The following SGSM1 variants were observed in gnomAD, a reference collection of about 807,000 sequenced individuals.
SGSM1 encodes RUN and TBC1 domain containing 2.
SGSM1 carries 73 observed loss-of-function variants against 133.8 expected under a neutral mutation model. The ratio of observed to expected loss-of-function variants is 0.55; its 90% CI spans 0.45 to 0.66. The LOEUF (loss-of-function observed/expected upper bound fraction) is 0.66, where lower values mean the gene tolerates loss of function less well. SGSM1 is among the 30% of genes least tolerant of loss of function. SGSM1 has a pLI of 0.00. For synonymous variants in SGSM1, 563 were observed against 573.0 expected, an observed-to-expected ratio of 0.98 and a Z score of 0.25; for missense variants, 1,213 against 1,448.1, an observed-to-expected ratio of 0.84 and a Z score of 2.64.
At position 24,924,477 on chromosome 22, in the gene SGSM1, A is replaced by G. The variant is rs1406564536; in HGVS notation, c.*203A>G. Reference sequence around the variant, plus strand: ...GAGTACCCCTTCAATTCAGCCTTACATTTTCCTGTTTGACCAAAGATTGCC... The same window carrying G: ...GAGTACCCCTTCAATTCAGCCTTACGTTTTCCTGTTTGACCAAAGATTGCC... On this transcript the variant is annotated 3_prime_UTR_variant, in exon 25 of 25. Coordinates refer to ENST00000400358, the MANE Select transcript of SGSM1 (RefSeq NM_001098497.3). 11 of 553,788 alleles carry G rather than the reference A, an allele frequency of 2.0e-5. No homozygotes were observed. Among genetic ancestry groups the G allele is most frequent in the Non-Finnish European group, 3.5e-5 (11 of 310,558 alleles). 34.3% of individuals were successfully genotyped at this position (553,788 alleles called of 1,614,324 possible).
Position 24,879,472 on chromosome 22 carries a change from A to G in SGSM1, c.1441A>G (p.Lys481Glu), listed in dbSNP as rs1357308596. The G allele has an allele frequency of 1.2e-6, 2 of 1,613,802 alleles. No homozygotes were observed. The highest frequency in any genetic ancestry group is 1.7e-5 in the Admixed American group (1 of 59,996). Reference sequence around the variant, plus strand: ...TTTCTCCACCTGCAGGGCTCCCCTGAAACTTCTCTGTGACAATATGAAGTA... The same window carrying G: ...TTTCTCCACCTGCAGGGCTCCCCTGGAACTTCTCTGTGACAATATGAAGTA... ...NGCNHERAPLKLLCDNMKYQI... is the reference protein window; with the variant it reads ...NGCNHERAPLELLCDNMKYQI... The change falls in exon 14 of 25, where the codon AAA becomes GAA. Residue 481 changes from lysine (K) to glutamate (E), a missense_variant. Coordinates refer to ENST00000400358, the MANE Select transcript of SGSM1 (RefSeq NM_001098497.3).
intron 16 of SGSM1, 27 bp from the exon 17 acceptor site, chr22:24,893,404 C>T (rs767762053): frequency 1.5e-5 from 24 of 1,610,630 alleles, no homozygotes; most frequent in South Asian, 1.2e-4. Flanking sequence ...GTTGACACCT[C>T]GGGTGACATT....
At chr22:24,900,748 CT>C (rs1223265030) in intron 19 of SGSM1, among the ~76,000 whole-genome samples, 2 of 152,168 alleles carry the variant, frequency 1.3e-5, no homozygotes, top group African/African-American at 4.8e-5. Flanking sequence ...GTTTCTGATA[CT>C]TCTAACAACT....
At chr22:24,879,108 AG>A (rs763011783) in intron 13 of SGSM1, among the ~76,000 whole-genome samples, 17 of 152,192 alleles carry the variant, frequency 1.1e-4, no homozygotes, top group Admixed American at 2.0e-4. Flanking sequence ...TCTGTTACCT[AG>A]TAATTCCAAC....
chr22:24,861,798 C>T (rs755893063), intron 9 of SGSM1, among the ~76,000 whole-genome samples: 59 of 150,958 alleles, frequency 3.9e-4, no homozygotes, highest in Admixed American at 5.9e-4. Context: ...CTGCCCATCT[C>T]GGCCGCCTCT....
intron 3 of SGSM1, among the ~76,000 whole-genome samples, chr22:24,845,941 T>TTTTCTTTCTTTCTTTTCTTTC (rs1555924221): frequency 1.7e-5 from 2 of 115,622 alleles, no homozygotes; most frequent in African/African-American, 6.9e-5. Flanking sequence ...TTTTCTTTTC[T>TTTTCTTTCTTTCTTTTCTTTC]TTTCTTTCTT....
intron 4 of SGSM1, among the ~76,000 whole-genome samples, chr22:24,848,400 A>G (rs1206318955): frequency 6.6e-6 from 1 of 152,146 alleles, no homozygotes; most frequent in Admixed American, 6.5e-5. Context: ...ATTATAACAC[A>G]TTCAAATACA....
At chr22:24,858,623 G>C (rs904132915) in intron 8 of SGSM1, among the ~76,000 whole-genome samples, 1 of 132,524 alleles carries the variant, frequency 7.5e-6, no homozygotes, top group South Asian at 2.6e-4. Flanking sequence ...GCAACAGAGC[G>C]AGACTCCATC....
intron 9 of SGSM1, among the ~76,000 whole-genome samples, chr22:24,862,936 G>A (rs1218044215): frequency 3.9e-5 from 6 of 152,128 alleles, no homozygotes; most frequent in African/African-American, 9.7e-5. Context: ...ACACTGAAGC[G>A]TCTTGCACCC....
In SGSM1 at chr22:24,832,885, A is replaced by G. The variant is rs543203694; in HGVS notation, c.64-12012A>G. Among the ~76,000 whole-genome samples, 28 of 151,986 alleles carry G rather than the reference A, an allele frequency of 1.8e-4. No individual in the cohort carries two copies. The South Asian group carries it at 5.9e-3, about 32-fold the overall frequency. Reference sequence around the variant, plus strand: ...CTCCCTCCTTGGCTCATAGGTGGCCATCTTCTCCCTGATCTTCACATGATC... The same window carrying G: ...CTCCCTCCTTGGCTCATAGGTGGCCGTCTTCTCCCTGATCTTCACATGATC... On this transcript the variant is annotated intron_variant, in intron 2 of 24. Coordinates refer to ENST00000400358, the MANE Select transcript of SGSM1 (RefSeq NM_001098497.3).
intron 5 of SGSM1, among the ~76,000 whole-genome samples, chr22:24,853,183 G>T (rs925042051): frequency 6.6e-6 from 1 of 152,208 alleles, no homozygotes; most frequent in Admixed American, 6.5e-5. Context: ...GAGAGGCAGA[G>T]CTGGGCTCCC....
chr22:24,893,909 A>G (rs906723374), intron 17 of SGSM1, among the ~76,000 whole-genome samples: 1 of 152,212 alleles, frequency 6.6e-6, no homozygotes, highest in Non-Finnish European at 1.5e-5. Flanking sequence ...CAGTCCAAAC[A>G]AGACAATGTA....
At chr22:24,808,798 G>T (rs1340521401) in intron 2 of SGSM1, among the ~76,000 whole-genome samples, 1 of 152,168 alleles carries the variant, frequency 6.6e-6, no homozygotes, top group East Asian at 1.9e-4. Flanking sequence ...TGTCAGTCTA[G>T]TTTGGGTCTT....
chr22:24,818,956 C>G (rs986640402), intron 2 of SGSM1, among the ~76,000 whole-genome samples: 1 of 151,882 alleles, frequency 6.6e-6, no homozygotes, highest in Non-Finnish European at 1.5e-5. Context: ...ACAATCCTGG[C>G]TAACATGATG....
Position 24,900,358 on chromosome 22 carries a change from T to C in SGSM1, c.2611-1475T>C, listed in dbSNP as rs555906080. ...TTAACCTCTTCTTTCTTTCTTTCTT[T>C]CTTTCTTTCTTTCTTTCTTTCTTTC... On this transcript the variant is annotated intron_variant, in intron 19 of 24. Transcript: ENST00000400358. Among the ~76,000 whole-genome samples the C allele has an allele frequency of 8.5e-4, 80 of 94,028 alleles. 2 individuals are homozygous for C. Among genetic ancestry groups the C allele is most frequent in the African/African-American group, 3.7e-3 (74 of 20,270 alleles). 61.7% of individuals were successfully genotyped at this position (94,028 alleles called of 152,430 possible). A position where few individuals can be genotyped will look rare whatever the true frequency, so the allele number is the denominator to read the frequency against.
chr22:24,838,435 A>G (rs541413162), intron 2 of SGSM1, among the ~76,000 whole-genome samples: 2 of 152,220 alleles, frequency 1.3e-5, no homozygotes, highest in Non-Finnish European at 2.9e-5. Context: ...GGAAGCAAAC[A>G]TGGTGAATGA....
intron 2 of SGSM1, among the ~76,000 whole-genome samples, chr22:24,822,431 C>T (rs1601891593): frequency 6.6e-6 from 1 of 152,244 alleles, no homozygotes; most frequent in East Asian, 1.9e-4. Context: ...AGCCCCTGAT[C>T]TTTTCACATC....
intron 8 of SGSM1, among the ~76,000 whole-genome samples, chr22:24,858,425 G>A (rs1234847922): frequency 6.6e-6 from 1 of 151,930 alleles, no homozygotes; most frequent in African/African-American, 2.4e-5. Context: ...GACTAGCCTG[G>A]CCAACATGGC....
chr22:24,918,399 G>A (rs919096863), intron 23 of SGSM1, among the ~76,000 whole-genome samples: 1 of 145,636 alleles, frequency 6.9e-6, no homozygotes, highest in African/African-American at 2.8e-5. Flanking sequence ...AGGAGGCTGA[G>A]GCAGGAGAAT....
Sources: allele counts gnomAD v4.1 joint callset (sites outside exome capture counted in the v4.1 genomes callset), GRCh38; gene constraint gnomAD v4.1.1; transcripts MANE v1.5; gene names NCBI Gene and HGNC (gene_info 2026-07-23, HGNC 2026-07-21).